Variants in PLXDC2 observed in about 807,000 individuals in gnomAD.
PLXDC2 encodes plexin domain containing 2.
PLXDC2 carries 40 observed loss-of-function variants against 68.9 expected under a neutral mutation model. That is an observed-to-expected ratio of 0.58 (90% CI 0.45 to 0.76). The LOEUF (loss-of-function observed/expected upper bound fraction) is 0.76. Among genes scored for constraint, PLXDC2 ranks in the 30% least tolerant of loss-of-function variants. The pLI is 0.00. For synonymous variants in PLXDC2, 243 were observed against 234.2 expected (o/e 1.04, Z -0.34); for missense variants, 644 against 661.9 (o/e 0.97, Z 0.30).
At chr10:19,866,928 G>A (rs924969554) in intron 1 of PLXDC2, among the ~76,000 whole-genome samples, 5 of 152,148 alleles carry the variant, frequency 3.3e-5, no homozygotes, top group African/African-American at 4.8e-5. Context: ...AGGAAGCAAG[G>A]CTTTGTCTAA....
At chr10:20,083,238 G>T in intron 4 of PLXDC2, among the ~76,000 whole-genome samples, 1 of 152,006 alleles carries the variant, frequency 6.6e-6, no homozygotes, top group East Asian at 1.9e-4. Context: ...CACTTTGGGA[G>T]GCCAAGGCGG....
At chr10:19,831,610 C>A (rs570498430) in intron 1 of PLXDC2, among the ~76,000 whole-genome samples, 7 of 152,214 alleles carry the variant, frequency 4.6e-5, no homozygotes, top group African/African-American at 1.4e-4. Context: ...AGATAGACCC[C>A]AGTGTCTGTT....
At chr10:20,270,017 A>AAAAATAAAATAAAAT (rs149243687) in intron 13 of PLXDC2, among the ~76,000 whole-genome samples, 1 of 146,202 alleles carries the variant, frequency 6.8e-6, no homozygotes, top group African/African-American at 2.5e-5. Context: ...GGCTCCATCA[A>AAAAATAAAATAAAAT]AAAATAAAAT....
At chr10:19,822,518 GTTTTATT>G (rs1836488368) in intron 1 of PLXDC2, among the ~76,000 whole-genome samples, 1 of 152,034 alleles carries the variant, frequency 6.6e-6, no homozygotes, top group Non-Finnish European at 1.5e-5. Flanking sequence ...TCATATGGTG[GTTTTATT>G]TTTGATTTTT....
chr10:19,859,548 G>T (rs1837280997), intron 1 of PLXDC2, among the ~76,000 whole-genome samples: 1 of 151,998 alleles, frequency 6.6e-6, no homozygotes, highest in Admixed American at 6.6e-5. Flanking sequence ...ATTAATTTCA[G>T]ACATATTATA....
intron 2 of PLXDC2, among the ~76,000 whole-genome samples, chr10:20,038,062 C>T (rs182613030): frequency 9.6e-4 from 146 of 151,952 alleles, no homozygotes; most frequent in Non-Finnish European, 4.4e-4. Context: ...GGTGAAACCC[C>T]ATCTCTACTA....
intron 12 of PLXDC2, among the ~76,000 whole-genome samples, chr10:20,231,814 G>A (rs1835368547): frequency 6.6e-6 from 1 of 151,988 alleles, no homozygotes; most frequent in African/African-American, 2.4e-5. Flanking sequence ...CCAGGAGTTG[G>A]AGACCAGACT....
chr10:20,167,733 C>T (rs1173281923), intron 7 of PLXDC2, among the ~76,000 whole-genome samples: 1 of 152,086 alleles, frequency 6.6e-6, no homozygotes, highest in East Asian at 1.9e-4. Context: ...AAACCTTTGG[C>T]TTCATGTAGC....
intron 2 of PLXDC2, among the ~76,000 whole-genome samples, chr10:20,033,129 A>G (rs992411887): frequency 1.3e-5 from 2 of 151,958 alleles, no homozygotes; most frequent in African/African-American, 2.4e-5. Context: ...ACATGTATAC[A>G]TATGTAACAA....
chr10:19,999,928 T>C (rs910286074), intron 1 of PLXDC2, among the ~76,000 whole-genome samples: 11 of 152,318 alleles, frequency 7.2e-5, no homozygotes, highest in Non-Finnish European at 1.0e-4. Context: ...GCACGGAGAC[T>C]TTTTAGAATT....
At chr10:20,161,996 T>C (rs1415177922) in intron 6 of PLXDC2, among the ~76,000 whole-genome samples, 1 of 144,536 alleles carries the variant, frequency 6.9e-6, no homozygotes, top group African/African-American at 2.6e-5. Context: ...CACTCCAGCC[T>C]GGACAACAAG....
At chr10:20,240,393 C>T (rs1362850104) in intron 12 of PLXDC2, among the ~76,000 whole-genome samples, 2 of 152,118 alleles carry the variant, frequency 1.3e-5, no homozygotes, top group African/African-American at 4.8e-5. Context: ...CTGTAATGGA[C>T]ATAATGTGTC....
intron 4 of PLXDC2, among the ~76,000 whole-genome samples, chr10:20,134,862 A>C (rs970858516): frequency 2.6e-5 from 4 of 152,018 alleles, no homozygotes; most frequent in African/African-American, 4.8e-5. Context: ...AGCCTGCCTG[A>C]AGGGGTTCAC....
intron 1 of PLXDC2, among the ~76,000 whole-genome samples, chr10:19,890,058 C>T (rs1837923373): frequency 6.6e-6 from 1 of 152,058 alleles, no homozygotes; most frequent in South Asian, 2.1e-4. Context: ...GTATTTATTC[C>T]AGTTTCAATT....
At chr10:20,004,195 T>A (rs150548613) in intron 2 of PLXDC2, among the ~76,000 whole-genome samples, 5 of 152,230 alleles carry the variant, frequency 3.3e-5, no homozygotes, top group Admixed American at 3.3e-4. Context: ...AAGTATAGGC[T>A]GTGGGAATTC....
rs1398364289 is a variant in PLXDC2 at position 20,068,253 on chromosome 10, T to C, written c.541+14T>C. On this transcript the variant is annotated intron_variant, in intron 4 of 13. Coordinates refer to ENST00000377252, the MANE Select transcript of PLXDC2 (RefSeq NM_032812.9). The stretch of plus-strand genomic sequence containing the variant: ...TGGCAACCGGGGGTAAGTGGTTTTC[T>C]ACCCATTCACCTTAAGTAATCTATG... 1 of 1,593,514 alleles carries C rather than the reference T, an allele frequency of 6.3e-7. No individual in the cohort carries two copies. The highest frequency in any genetic ancestry group is 8.6e-7 in the Non-Finnish European group (1 of 1,161,986).
At chr10:20,024,946 A>G (rs1835371708) in intron 2 of PLXDC2, among the ~76,000 whole-genome samples, 3 of 152,028 alleles carry the variant, frequency 2.0e-5, no homozygotes, top group Admixed American at 2.0e-4. Flanking sequence ...TATGTAGCAC[A>G]TTTTCTTTAT....
At chr10:20,068,936 G>A (rs1478175423) in intron 4 of PLXDC2, among the ~76,000 whole-genome samples, 2 of 152,148 alleles carry the variant, frequency 1.3e-5, no homozygotes, top group African/African-American at 2.4e-5. Context: ...TAAGGAAAAT[G>A]CCAGGGAATA....
chr10:19,817,809 C>G (rs1475682911), intron 1 of PLXDC2, among the ~76,000 whole-genome samples: 1 of 152,208 alleles, frequency 6.6e-6, no homozygotes, highest in African/African-American at 2.4e-5. Context: ...GAGACCTACC[C>G]CTGCTCCCAT....
Sources: gnomAD v4.1 joint callset for allele counts (sites outside exome capture counted in the v4.1 genomes callset) on GRCh38, gnomAD v4.1.1 for gene constraint, MANE v1.5 for transcripts, NCBI Gene and HGNC (gene_info 2026-07-23, HGNC 2026-07-21) for gene names.